SPATA31H1: variants seen among roughly 807,000 people sequenced by gnomAD.
SPATA31H1 encodes SPATA31 subfamily H member 1, also known as spermatogenesis-associated protein 31H1.
chr2:27,576,549 C>T, the SPATA31H1 span: 1 of 1,522,076 alleles, frequency 6.6e-7, no homozygotes, highest in Non-Finnish European at 8.8e-7. Flanking sequence ...TGCATCGAAG[C>T]CATGCTTTCA....
chr2:27,539,016 C>T, the SPATA31H1 span, among the ~76,000 whole-genome samples: 3 of 150,788 alleles, frequency 2.0e-5, no homozygotes, highest in African/African-American at 7.3e-5. Flanking sequence ...GAAGGTGTTG[C>T]AAGACTCCCT....
At chr2:27,537,655 C>A in the SPATA31H1 span, 1 of 671,274 alleles carries the variant, frequency 1.5e-6, no homozygotes, top group African/African-American at 1.8e-5. Flanking sequence ...ATGGGAGGAA[C>A]TGGATGCAGG....
At chr2:27,539,758 G>A in the SPATA31H1 span, among the ~76,000 whole-genome samples, 1 of 27,124 alleles carries the variant, frequency 3.7e-5, no homozygotes, top group African/African-American at 1.6e-4. Flanking sequence ...GACCCCCCCC[G>A]CCCCCGGACG....
the SPATA31H1 span, chr2:27,568,023 A>C: frequency 5.0e-6 from 2 of 398,938 alleles, no homozygotes; most frequent in African/African-American, 4.1e-5. Flanking sequence ...GGCAGCCCCA[A>C]GGTCTCAGCA....
the SPATA31H1 span, chr2:27,578,773 G>T: frequency 6.2e-7 from 1 of 1,614,094 alleles, no homozygotes. Context: ...TTCCTACAAA[G>T]CTCTTCAACC....
At chr2:27,544,367 C>T in the SPATA31H1 span, among the ~76,000 whole-genome samples, 1 of 151,896 alleles carries the variant, frequency 6.6e-6, no homozygotes, top group African/African-American at 2.4e-5. Context: ...TCTCTGCCCT[C>T]CTCTCTGCTC....
the SPATA31H1 span, chr2:27,580,196 C>T: frequency 6.2e-7 from 1 of 1,614,152 alleles, no homozygotes; most frequent in Non-Finnish European, 8.5e-7. Flanking sequence ...CTCAAGCTTC[C>T]AAGAGTCCTA....
chr2:27,540,390 CG>C, the SPATA31H1 span, among the ~76,000 whole-genome samples: 1 of 118,526 alleles, frequency 8.4e-6, no homozygotes, highest in Non-Finnish European at 1.8e-5. Flanking sequence ...GCTGGCCGGG[CG>C]GGGGGCTGAC....
chr2:27,579,647 T>C, the SPATA31H1 span: 4 of 1,614,214 alleles, frequency 2.5e-6, no homozygotes, highest in Non-Finnish European at 3.4e-6. Context: ...GCCAGCTTCC[T>C]GTCCTGGTAA....
the SPATA31H1 span, chr2:27,537,388 G>A: frequency 1.4e-6 from 1 of 711,892 alleles, no homozygotes; most frequent in Admixed American, 2.0e-5. Context: ...ACAGCCTTGA[G>A]GCAGAAAACT....
the SPATA31H1 span, among the ~76,000 whole-genome samples, chr2:27,556,284 C>CT: frequency 6.7e-3 from 951 of 141,810 alleles, 25 homozygotes; most frequent in African/African-American, 0.021. Flanking sequence ...TTGGAAAGCC[C>CT]TTTTTTTTTT....
At chr2:27,540,429 A>G in the SPATA31H1 span, among the ~76,000 whole-genome samples, 782 of 102,878 alleles carry the variant, frequency 7.6e-3, no homozygotes, top group African/African-American at 0.03. Context: ...GGACGGGGCG[A>G]CTGGCCGGGC....
chr2:27,564,267 C>A, the SPATA31H1 span, among the ~76,000 whole-genome samples: 3 of 152,156 alleles, frequency 2.0e-5, no homozygotes, highest in African/African-American at 7.2e-5. Flanking sequence ...TTCCTAGCCA[C>A]TTTTCCAGTA....
At chr2:27,578,708 G>C in the SPATA31H1 span, 9 of 1,614,068 alleles carry the variant, frequency 5.6e-6, no homozygotes, top group Non-Finnish European at 7.6e-6. Flanking sequence ...GTCAGAATAG[G>C]GACTGTCAGA....
chr2:27,581,693 G>C, the SPATA31H1 span: 70 of 1,613,406 alleles, frequency 4.3e-5, 1 homozygote, highest in South Asian at 1.1e-5. Context: ...GTCCCTCTGA[G>C]AGAAGACATC....
the SPATA31H1 span, chr2:27,579,086 T>G: frequency 6.2e-7 from 1 of 1,614,162 alleles, no homozygotes; most frequent in Non-Finnish European, 8.5e-7. Flanking sequence ...AGAACTCACT[T>G]CAGAGACATC....
the SPATA31H1 span, chr2:27,578,115 G>A: frequency 6.2e-7 from 1 of 1,614,106 alleles, no homozygotes; most frequent in Admixed American, 1.7e-5. Context: ...ATCTGTGAAA[G>A]TGACCCCTGG....
At chr2:27,571,768 C>A in the SPATA31H1 span, 1 of 398,472 alleles carries the variant, frequency 2.5e-6, no homozygotes, top group Non-Finnish European at 4.4e-6. Flanking sequence ...ATAAAGGAGA[C>A]TCAAGATCCA....
the SPATA31H1 span, chr2:27,570,219 T>G: frequency 2.5e-6 from 1 of 398,604 alleles, no homozygotes; most frequent in African/African-American, 2.1e-5. Flanking sequence ...TGTACCAGAG[T>G]CATCTTTGCA....
Sources: gnomAD v4.1 joint callset for allele counts (sites outside exome capture counted in the v4.1 genomes callset) on GRCh38, gnomAD v4.1.1 for gene constraint, MANE v1.5 for transcripts, NCBI Gene and HGNC (gene_info 2026-07-23, HGNC 2026-07-21) for gene names.